DLX6: variants seen among roughly 807,000 people sequenced by gnomAD.
DLX6 encodes homeobox protein DLX-6.
Under a neutral mutation model 33.5 loss-of-function variants are expected in DLX6, and 4 were observed. The observed-to-expected ratio is 0.12, with a 90% CI of 0.06 to 0.27. The LOEUF (loss-of-function observed/expected upper bound fraction) is 0.27. Among genes scored for constraint, DLX6 ranks in the 10% least tolerant of loss-of-function variants. The pLI, the probability that DLX6 is intolerant of heterozygous loss-of-function variation, is 1.00. For missense variants in DLX6, 382 were observed against 393.3 expected (o/e 0.97, Z 0.24); for synonymous variants, 184 against 164.8 (o/e 1.12, Z -0.89).
At chr7:97,007,879 C>A in intron 2 of DLX6, 48 bp downstream of exon 2, 1 of 1,495,346 alleles carries the variant, frequency 6.7e-7, no homozygotes, top group Admixed American at 2.3e-5. Context: ...GTACCGCTTG[C>A]AGATCGGGCA....
chr7:97,006,597 G>A, intron 1 of DLX6, 184 bp downstream of exon 1: 2 of 411,088 alleles, frequency 4.9e-6, no homozygotes, highest in Non-Finnish European at 7.0e-6. Context: ...TCTCCCAGCC[G>A]GGCCCCTTCC....
chr7:97,007,527 G>C lies in DLX6; in HGVS notation c.437-111G>C, dbSNP rs1584156249. 3 of 1,008,642 alleles carry C rather than the reference G, an allele frequency of 3.0e-6. No homozygotes were observed. In the East Asian group the frequency reaches 7.8e-5, roughly 26 times the overall value. The allele number at this position is 1,008,642 out of a possible 1,614,324, so 62.5% of individuals were successfully genotyped here. A position where few individuals can be genotyped will look rare whatever the true frequency, so the allele number is the denominator to read the frequency against. On this transcript the variant is annotated intron_variant, in intron 1 of 2. Coordinates refer to ENST00000518156, the MANE Select transcript of DLX6 (RefSeq NM_005222.4). ...GGTCGGGGCATCATAGGGATTTTTC[G>C]AGGTAACCCTTATTGGGCTTTGGGG... is the stretch of plus-strand genomic sequence containing the variant.
intron 1 of DLX6, 63 bp downstream of exon 1, chr7:97,006,476 C>A: frequency 9.6e-6 from 12 of 1,245,278 alleles, no homozygotes; most frequent in Non-Finnish European, 1.0e-5. Flanking sequence ...CCCGCCCGCC[C>A]GCTCACTTCC....
intron 1 of DLX6, chr7:97,006,751 CTG>C (rs1789744582): frequency 6.5e-6 from 1 of 154,484 alleles, no homozygotes; most frequent in Admixed American, 6.5e-5. Context: ...TCCCTCCAGG[CTG>C]TAACCCACGT....
chr7:97,007,762 G>T lies in DLX6; in HGVS notation c.561G>T (p.Gln187His), dbSNP rs775569707. Reference sequence around the variant, plus strand: ...TCCAGGCTTTAAACCATCGCTTTCAGCAGACACAGTATCTGGCCCTTCCAG... The same window carrying T: ...TCCAGGCTTTAAACCATCGCTTTCATCAGACACAGTATCTGGCCCTTCCAG... The part of the protein sequence containing the change: ...LQLQALNHRF[Q>H]QTQYLALPER... The change falls in exon 2 of 3, where the codon CAG (glutamine) becomes CAT (histidine). Residue 187 changes from glutamine to histidine, a missense_variant. By Grantham distance (24) the Gln-to-His change is conservative. Around this residue, in one of 4 missense-constraint regions of DLX6, gnomAD observed 25 missense variants for 51.9 expected, o/e 0.48. Transcript: ENST00000518156. 6.2e-7 allele frequency: 1 copy of T among 1,612,326 alleles called. No individual in the cohort carries two copies. Among genetic ancestry groups the T allele is most frequent in the Admixed American group, 1.7e-5 (1 of 59,800 alleles).
rs1584158029 is a variant in DLX6 at position 97,010,179 on chromosome 7, G to C, written c.*132G>C. The C allele has an allele frequency of 9.5e-7, 1 of 1,047,452 alleles. No individual in the cohort carries two copies. The highest frequency in any genetic ancestry group is 2.7e-5 in the East Asian group (1 of 37,322). 64.9% of individuals were successfully genotyped at this position (1,047,452 alleles called of 1,614,324 possible). A position where few individuals can be genotyped will look rare whatever the true frequency, so the allele number is the denominator to read the frequency against. ...ATAAGTGTGGCAAGAAGCCGACTAG[G>C]CTCATTCTCTCTCCCTCTCTCTCTC... On this transcript the variant is annotated 3_prime_UTR_variant, in exon 3 of 3. Coordinates refer to ENST00000518156, the MANE Select transcript of DLX6 (RefSeq NM_005222.4).
intron 2 of DLX6, among the ~76,000 whole-genome samples, chr7:97,008,222 T>G (rs1789779125): frequency 6.6e-6 from 1 of 152,220 alleles, no homozygotes; most frequent in Non-Finnish European, 1.5e-5. Context: ...TTGTAGGCCC[T>G]GGGAACTAAT....
chr7:97,007,858 C>A, intron 2 of DLX6, 27 bp downstream of exon 2: 3 of 1,546,454 alleles, frequency 1.9e-6, no homozygotes, highest in South Asian at 2.5e-5. Context: ...CCAAGTATCC[C>A]TGAAATGCTG....
intron 2 of DLX6, among the ~76,000 whole-genome samples, 155 bp from the exon 3 acceptor site, chr7:97,009,641 T>G (rs1450872744): frequency 6.6e-6 from 1 of 152,074 alleles, no homozygotes; most frequent in African/African-American, 2.4e-5. Context: ...TAGAAAGAGG[T>G]GGAAGGAGGC....
rs1471947224 is a variant in DLX6 at position 97,009,733 on chromosome 7, T to C, written c.631-63T>C. 12 of 1,560,398 alleles carry C rather than the reference T, an allele frequency of 7.7e-6. No homozygotes were observed. In the African/African-American group the frequency reaches 1.4e-4, roughly 18 times the overall value. On this transcript the variant is annotated intron_variant, in intron 2 of 2. Transcript: ENST00000518156. ...TTTTTTAATATTGCTTCTAAATCCCTGAGTGACGTTAGAGGCACTGGTTTG... is the reference window on the plus strand; with the variant it reads ...TTTTTTAATATTGCTTCTAAATCCCCGAGTGACGTTAGAGGCACTGGTTTG...
rs375278814 is a variant in DLX6, at chr7:97,005,969, A to G, written c.-9A>G. On this transcript the variant is annotated 5_prime_UTR_variant, in exon 1 of 3. Transcript: ENST00000518156. ...GGGAGAAGGCTTTCTCCAGCCCCCA[A>G]AGTTTTTGATGATGACCATGACTAC... is the stretch of plus-strand genomic sequence containing the variant. 3.8e-6 allele frequency: 6 copies of G among 1,572,690 alleles called. No homozygotes were observed. Among genetic ancestry groups the G allele is most frequent in the Non-Finnish European group, 5.2e-6 (6 of 1,158,478 alleles).
chr7:97,010,211 T>TCTCC lies in DLX6; in HGVS notation c.*165_*168dup. 5 of 673,630 alleles carry TCTCC rather than the reference T, an allele frequency of 7.4e-6. No homozygotes were observed. The highest frequency in any genetic ancestry group is 9.4e-6 in the Non-Finnish European group (4 of 426,314). 41.7% of individuals were successfully genotyped at this position (673,630 alleles called of 1,614,324 possible). On this transcript the variant is annotated 3_prime_UTR_variant, in exon 3 of 3. Coordinates refer to ENST00000518156, the MANE Select transcript of DLX6 (RefSeq NM_005222.4). ...CTCTCTCCCTCTCTCTCTCTCTCCCTCTCCTTTCTTTTTACTTCTTCCTTT... is the reference window on the plus strand; with the variant it reads ...CTCTCTCCCTCTCTCTCTCTCTCCCTCTCCCTCCTTTCTTTTTACTTCTTCCTTT...
intron 1 of DLX6, chr7:97,007,222 T>C: frequency 2.3e-6 from 1 of 442,610 alleles, no homozygotes; most frequent in South Asian, 3.4e-5. Flanking sequence ...GCTGGTGACA[T>C]CAAGTCAACT....
chr7:97,007,604 C>T lies in DLX6; in HGVS notation c.437-34C>T, dbSNP rs764175308. Reference sequence around the variant, plus strand: ...CAGGGAGATGGCAGCAGTAGCCTCCCGGGTGACCGCTCCTCTGTATTATTT... The same window carrying T: ...CAGGGAGATGGCAGCAGTAGCCTCCTGGGTGACCGCTCCTCTGTATTATTT... On this transcript the variant is annotated intron_variant, in intron 1 of 2. Transcript: ENST00000518156. 7.6e-5 allele frequency: 119 copies of T among 1,575,452 alleles called. 1 individual carries two copies. The highest frequency in any genetic ancestry group is 9.5e-5 in the African/African-American group (7 of 74,058).
In DLX6 at chr7:97,007,591, A is replaced by G. The variant is rs372209256; in HGVS notation, c.437-47A>G. On this transcript the variant is annotated intron_variant, in intron 1 of 2. Coordinates refer to ENST00000518156, the MANE Select transcript of DLX6 (RefSeq NM_005222.4). The stretch of plus-strand genomic sequence containing the variant: ...GCCACGCCAGGAGCAGGGAGATGGC[A>G]GCAGTAGCCTCCCGGGTGACCGCTC... 7.1e-6 allele frequency: 11 copies of G among 1,543,986 alleles called. No individual in the cohort carries two copies. In the African/African-American group the frequency reaches 1.4e-4, roughly 19 times the overall value.
rs1300718452 is a variant in DLX6, at chr7:97,009,075, CAT to C, written c.631-720_631-719del. Among the ~76,000 whole-genome samples, 9 of 152,176 alleles carry C rather than the reference CAT, an allele frequency of 5.9e-5. 1 individual carries two copies. In the South Asian group the frequency reaches 1.7e-3, roughly 28 times the overall value. ...GACTTTTAATTACTATACTAACAAT[CAT>C]GTGATGATCCTTGACCACAGTTTGA... On this transcript the variant is annotated intron_variant, in intron 2 of 2. Coordinates refer to ENST00000518156, the MANE Select transcript of DLX6 (RefSeq NM_005222.4).
intron 2 of DLX6, 143 bp downstream of exon 2, chr7:97,007,974 A>G (rs2115871939): frequency 1.2e-6 from 1 of 835,652 alleles, no homozygotes; most frequent in South Asian, 1.9e-5. Flanking sequence ...CCAGTTATGC[A>G]CTTTCCTGGG....
In DLX6 at chr7:97,007,305, G is replaced by T. The variant is rs2115870304; in HGVS notation, c.437-333G>T. Reference sequence around the variant, plus strand: ...AAGCCGGGCACAGGGGCCCCGCTCCGCCCGGACAGCTGCCGCCTTGCTGCG... The same window carrying T: ...AAGCCGGGCACAGGGGCCCCGCTCCTCCCGGACAGCTGCCGCCTTGCTGCG... On this transcript the variant is annotated intron_variant, in intron 1 of 2. Coordinates refer to ENST00000518156, the MANE Select transcript of DLX6 (RefSeq NM_005222.4). The T allele has an allele frequency of 6.9e-6, 4 of 581,936 alleles. No homozygotes were observed. The East Asian group carries it at 1.1e-4, about 16-fold the overall frequency. 36.0% of individuals were successfully genotyped at this position (581,936 alleles called of 1,614,324 possible). A position where few individuals can be genotyped will look rare whatever the true frequency, so the allele number is the denominator to read the frequency against.
rs750069203 is a variant in DLX6 at position 97,006,061 on chromosome 7, GCAGCAGCAGCAGCAA to G, written c.99_113del (p.Gln40_Gln44del). ...CCTTCATGGAGTTCGGGCAGCAGCA[GCAGCAGCAGCAGCAA>G]CAGCAGCAGCAGCAGCAGCAGCAAC... is the stretch of plus-strand genomic sequence containing the variant. On this transcript the variant is annotated inframe_deletion, in exon 1 of 3. Transcript: ENST00000518156. 6.0e-5 allele frequency: 94 copies of G among 1,577,836 alleles called. No homozygotes were observed. Among genetic ancestry groups the G allele is most frequent in the African/African-American group, 2.4e-4 (18 of 73,984 alleles).
Sources: allele counts gnomAD v4.1 joint callset (sites outside exome capture counted in the v4.1 genomes callset), GRCh38; gene constraint gnomAD v4.1.1; regional missense constraint gnomAD v4.1.1; transcripts MANE v1.5; gene names NCBI Gene and HGNC (gene_info 2026-07-23, HGNC 2026-07-21).